RCHY1: variants seen among roughly 807,000 people sequenced by gnomAD.
RCHY1 encodes the protein RING finger and CHY zinc finger domain-containing protein 1.
Under a neutral mutation model 41.6 loss-of-function variants are expected in RCHY1, and 21 were observed. The observed-to-expected ratio is 0.51, with a 90% CI of 0.36 to 0.73. RCHY1 has a LOEUF of 0.73. Among genes scored for constraint, RCHY1 ranks in the 30% least tolerant of loss-of-function variants. RCHY1 has a pLI of 0.00. For missense variants in RCHY1, 265 were observed against 325.3 expected (o/e 0.81, Z 1.43); for synonymous variants, 79 against 102.9 (o/e 0.77, Z 1.41).
At chr4:75,513,647 A>C (rs548158332) in intron 1 of RCHY1, among the ~76,000 whole-genome samples, 1 of 152,330 alleles carries the variant, frequency 6.6e-6, no homozygotes, top group South Asian at 2.1e-4. Context: ...GAGTAACAAT[A>C]CATGCTTATT....
rs777634322 is a variant in RCHY1 at position 75,494,227 on chromosome 4, G to A, written c.327-48C>T. 1.0e-5 allele frequency: 13 copies of A among 1,276,158 alleles called. 1 individual carries two copies. The highest frequency in any genetic ancestry group is 2.6e-5 in the South Asian group (2 of 76,476). The allele number at this position is 1,276,158 out of a possible 1,614,324, so 79.1% of individuals were successfully genotyped here. A position where few individuals can be genotyped will look rare whatever the true frequency, so the allele number is the denominator to read the frequency against. ...AAAGATTAGATTATTTTTTACTACA[G>A]TCATGATTTGTTCATTATGTAAAAC... On this transcript the variant is annotated intron_variant, in intron 3 of 8. Transcript: ENST00000324439.
chr4:75,489,594 G>A (rs996011568), intron 8 of RCHY1, among the ~76,000 whole-genome samples: 5 of 151,444 alleles, frequency 3.3e-5, no homozygotes, highest in South Asian at 2.1e-4. Flanking sequence ...AGTGGAAAAC[G>A]TAAGTTGACC....
chr4:75,508,617 A>C (rs1473478578), intron 3 of RCHY1, among the ~76,000 whole-genome samples: 3 of 152,154 alleles, frequency 2.0e-5, no homozygotes, highest in Non-Finnish European at 4.4e-5. Flanking sequence ...ATTATGAATA[A>C]ACTTTTTAGA....
intron 3 of RCHY1, among the ~76,000 whole-genome samples, chr4:75,508,538 T>C (rs1230528925): frequency 1.3e-5 from 2 of 152,090 alleles, no homozygotes; most frequent in Non-Finnish European, 2.9e-5. Context: ...ATAAAACATA[T>C]TTTATAATCC....
At chr4:75,503,121 A>G (rs1469420595) in intron 3 of RCHY1, among the ~76,000 whole-genome samples, 2 of 152,334 alleles carry the variant, frequency 1.3e-5, no homozygotes, top group South Asian at 4.1e-4. Context: ...CTTGCACATT[A>G]TAGGATGTTT....
intron 4 of RCHY1, among the ~76,000 whole-genome samples, chr4:75,493,567 T>C (rs1313559294): frequency 6.6e-6 from 1 of 151,768 alleles, no homozygotes; most frequent in Non-Finnish European, 1.5e-5. Flanking sequence ...TTTACACCAA[T>C]CCTCCATTCT....
intron 8 of RCHY1, 140 bp downstream of exon 8, chr4:75,490,441 G>C: frequency 1.9e-6 from 1 of 532,802 alleles, no homozygotes; most frequent in Non-Finnish European, 3.1e-6. Flanking sequence ...AAATCATTTT[G>C]TGCTTTCCAT....
intron 3 of RCHY1, 24 bp downstream of exon 3, chr4:75,508,796 A>T (rs766615920): frequency 1.4e-5 from 19 of 1,362,598 alleles, no homozygotes; most frequent in African/African-American, 2.9e-5. Context: ...AAGCAATTAG[A>T]TAAGAACACT....
chr4:75,503,538 T>C (rs556526062), intron 3 of RCHY1, among the ~76,000 whole-genome samples: 1 of 151,950 alleles, frequency 6.6e-6, no homozygotes, highest in Admixed American at 6.6e-5. Context: ...CTACTAAAAA[T>C]ACAAAAATTA....
chr4:75,509,667 A>G (rs1295541446), intron 1 of RCHY1: 1 of 179,446 alleles, frequency 5.6e-6, no homozygotes, highest in Non-Finnish European at 1.2e-5. Flanking sequence ...GGGACTTAGA[A>G]GGAGGTAACT....
At chr4:75,513,411 T>C (rs1312576271) in intron 1 of RCHY1, among the ~76,000 whole-genome samples, 1 of 152,180 alleles carries the variant, frequency 6.6e-6, no homozygotes, top group African/African-American at 2.4e-5. Context: ...TCATACACTT[T>C]TATGAAACAG....
At chr4:75,487,617 T>TATATATATTCATAATATATATATTC (rs1560512797) in intron 8 of RCHY1, among the ~76,000 whole-genome samples, 7 of 22,940 alleles carry the variant, frequency 3.1e-4, no homozygotes, top group African/African-American at 1.1e-3. Flanking sequence ...ATATTCATAA[T>TATATATATTCATAATATATATATTC]ATATATATTC....
rs548117837 is a variant in RCHY1, at chr4:75,499,579, T to C, written c.327-5400A>G. Reference sequence around the variant, plus strand: ...TATGGTATATGTACACTACGGAGTATTACTCAGCCATTAAAAAGAATGAAA... The same window carrying C: ...TATGGTATATGTACACTACGGAGTACTACTCAGCCATTAAAAAGAATGAAA... On this transcript the variant is annotated intron_variant, in intron 3 of 8. Coordinates refer to ENST00000324439, the MANE Select transcript of RCHY1 (RefSeq NM_015436.4). Among the ~76,000 whole-genome samples the C allele has an allele frequency of 1.7e-3, 257 of 152,284 alleles. 3 individuals carry two copies. The highest frequency in any genetic ancestry group is 5.7e-3 in the African/African-American group (238 of 41,544).
intron 8 of RCHY1, among the ~76,000 whole-genome samples, chr4:75,486,666 A>C (rs1247058233): frequency 6.6e-6 from 1 of 152,192 alleles, no homozygotes; most frequent in Admixed American, 6.5e-5. Context: ...GAGTGTAAAA[A>C]CAAGCAAGAT....
At chr4:75,489,770 G>C (rs886471204) in intron 8 of RCHY1, among the ~76,000 whole-genome samples, 26 of 152,156 alleles carry the variant, frequency 1.7e-4, no homozygotes, top group Admixed American at 5.2e-4. Flanking sequence ...CAATGACTAA[G>C]AACAATCAAA....
chr4:75,513,789 T>C (rs1725224879), intron 1 of RCHY1, among the ~76,000 whole-genome samples: 1 of 152,188 alleles, frequency 6.6e-6, no homozygotes, highest in Non-Finnish European at 1.5e-5. Context: ...CTATAAAACT[T>C]TACCACAGGA....
Position 75,514,259 on chromosome 4 carries a change from C to A in RCHY1, c.28G>T (p.Ala10Ser). 1 of 1,612,810 alleles carries A rather than the reference C, an allele frequency of 6.2e-7. No individual in the cohort carries two copies. The highest frequency in any genetic ancestry group is 2.2e-5 in the East Asian group (1 of 44,828). The change falls in exon 1 of 9, where the codon GCC becomes TCC. Residue 10 changes from alanine to serine, a missense_variant. Physicochemically the swap from Ala to Ser is moderately conservative, Grantham distance 99 (BLOSUM62 1). Coordinates refer to ENST00000324439, the MANE Select transcript of RCHY1 (RefSeq NM_015436.4). ...CGCTGACCTCGCTCTTGACCGCTGG[C>A]GCCATCTTCCCGGGCCGTCGCCGCC... is the stretch of plus-strand genomic sequence containing the variant. MAATAREDGASGQERGQRGC... is the reference protein window; with the variant it reads MAATAREDGSSGQERGQRGC...
intron 3 of RCHY1, among the ~76,000 whole-genome samples, chr4:75,500,362 CT>C (rs1560523991): frequency 1.3e-5 from 2 of 152,130 alleles, no homozygotes; most frequent in Non-Finnish European, 2.9e-5. Context: ...TACTTCCTCA[CT>C]TTTTAAAAAG....
At chr4:75,493,111 C>T (rs1249217596) in intron 4 of RCHY1, among the ~76,000 whole-genome samples, 2 of 151,926 alleles carry the variant, frequency 1.3e-5, no homozygotes, top group African/African-American at 4.8e-5. Flanking sequence ...ATACTATTGA[C>T]TCCTGGCTAT....
Sources: allele counts gnomAD v4.1 joint callset (sites outside exome capture counted in the v4.1 genomes callset), GRCh38; gene constraint gnomAD v4.1.1; transcripts MANE v1.5; gene names NCBI Gene and HGNC (gene_info 2026-07-23, HGNC 2026-07-21).